NUP210: variants seen among roughly 807,000 people sequenced by gnomAD.
The protein encoded by NUP210 is nuclear pore membrane glycoprotein 210.
A neutral mutation model predicts 196.0 loss-of-function variants in NUP210; 151 were observed. The ratio of observed to expected loss-of-function variants is 0.77; its 90% CI spans 0.67 to 0.88. The LOEUF (loss-of-function observed/expected upper bound fraction) is 0.88, where lower values mean the gene tolerates loss of function less well. Ranked by LOEUF, NUP210 falls within the 40% of genes least tolerant of loss-of-function variation. The pLI is 0.00. For synonymous variants in NUP210, 1,070 were observed against 1,052.7 expected, an observed-to-expected ratio of 1.02 and a Z score of -0.32; for missense variants, 2,314 against 2,493.7, an observed-to-expected ratio of 0.93 and a Z score of 1.53.
intron 3 of NUP210, among the ~76,000 whole-genome samples, chr3:13,393,015 C>A (rs1033836948): frequency 6.6e-6 from 1 of 152,188 alleles, no homozygotes; most frequent in African/African-American, 2.4e-5. Flanking sequence ...TAACCAGAAA[C>A]GCAAGACTGC....
chr3:13,357,787 C>T (rs1055038295), intron 16 of NUP210, among the ~76,000 whole-genome samples: 1 of 152,192 alleles, frequency 6.6e-6, no homozygotes, highest in Non-Finnish European at 1.5e-5. Flanking sequence ...CCCCACGTCA[C>T]CCACATCATG....
intron 20 of NUP210, chr3:13,344,819 G>A (rs540098049): frequency 3.5e-5 from 21 of 600,004 alleles, no homozygotes; most frequent in Middle Eastern, 1.8e-3. Context: ...TCCGGGCCTC[G>A]CAGCCCACCT....
chr3:13,321,937 C>T (rs781754845), intron 35 of NUP210, 102 bp from the exon 36 acceptor site: 67 of 1,490,106 alleles, frequency 4.5e-5, no homozygotes, highest in Non-Finnish European at 5.9e-5. Context: ...ATGCATCCTC[C>T]AAAGCCCAGG....
chr3:13,397,302 G>T (rs774683005), intron 3 of NUP210, 55 bp downstream of exon 3: 79 of 1,572,296 alleles, frequency 5.0e-5, no homozygotes, highest in Non-Finnish European at 6.3e-5. Flanking sequence ...GAGTCATGGT[G>T]GGGGGATGAT....
chr3:13,376,987 C>T (rs965575789), intron 9 of NUP210, among the ~76,000 whole-genome samples: 21 of 152,198 alleles, frequency 1.4e-4, no homozygotes, highest in African/African-American at 4.6e-4. Flanking sequence ...GTCTGACACC[C>T]CCTTCCAGAA....
intron 14 of NUP210, among the ~76,000 whole-genome samples, chr3:13,364,729 G>A (rs186255167): frequency 1.3e-5 from 2 of 152,294 alleles, no homozygotes; most frequent in African/African-American, 4.8e-5. Flanking sequence ...TCAGGAGGCC[G>A]AGGCAGGAGA....
intron 15 of NUP210, among the ~76,000 whole-genome samples, chr3:13,359,775 A>G (rs558591435): frequency 6.6e-6 from 1 of 152,050 alleles, no homozygotes; most frequent in Non-Finnish European, 1.5e-5. Context: ...CAGGTCACAC[A>G]TGTGTTTTGT....
Position 13,328,892 on chromosome 3 carries a change from T to C in NUP210, c.4165A>G (p.Asn1389Asp). The stretch of plus-strand genomic sequence containing the variant: ...GGCACGGCCACCAGGGCCTCCTTGT[T>C]CTGGGTGTGCAGGACAGGGCTCATG... ...VSMSPVLHTQ[N>D]KEALVAVPLG... The change falls in exon 31 of 40, where the codon AAC (asparagine) becomes GAC (aspartate). Residue 1389 changes from asparagine (N) to aspartate (D), a missense_variant. Coordinates refer to ENST00000254508, the MANE Select transcript of NUP210 (RefSeq NM_024923.4). 1 of 1,614,066 alleles carries C rather than the reference T, an allele frequency of 6.2e-7. No homozygotes were observed. Among genetic ancestry groups the C allele is most frequent in the Non-Finnish European group, 8.5e-7 (1 of 1,179,976 alleles).
intron 4 of NUP210, among the ~76,000 whole-genome samples, 173 bp downstream of exon 4, chr3:13,391,038 G>A (rs543402935): frequency 1.3e-5 from 2 of 152,202 alleles, no homozygotes; most frequent in Non-Finnish European, 2.9e-5. Context: ...CCCGCACAAT[G>A]GTGTGAGTGG....
intron 6 of NUP210, among the ~76,000 whole-genome samples, chr3:13,383,498 G>C (rs1349329671): frequency 7.1e-6 from 1 of 140,858 alleles, no homozygotes; most frequent in Non-Finnish European, 1.5e-5. Flanking sequence ...TGATACCTGA[G>C]CTAATTTAGA....
chr3:13,418,683 G>A (rs1269902350), intron 1 of NUP210, among the ~76,000 whole-genome samples: 1 of 152,082 alleles, frequency 6.6e-6, no homozygotes, highest in East Asian at 1.9e-4. Context: ...AGCTACTCGG[G>A]AGGCTGAGGC....
At position 13,386,364 on chromosome 3, in the gene NUP210, A is replaced by G. The variant is rs141026514; in HGVS notation, c.728T>C (p.Ile243Thr). Residue 243 changes from isoleucine to threonine, a missense_variant, in exon 6 of 40, where the codon ATC (isoleucine) becomes ACC (threonine). Transcript: ENST00000254508. ...GACGTCATAGGCCGGGTTCAGAAGG[A>G]TGTTTTCCAAAATCAGCAGCCTGAC... is the stretch of plus-strand genomic sequence containing the variant. ...AEVRLLILEN[I>T]LLNPAYDVYL... 1 of 1,614,060 alleles carries G rather than the reference A, an allele frequency of 6.2e-7. No individual in the cohort carries two copies. The highest frequency in any genetic ancestry group is 8.5e-7 in the Non-Finnish European group (1 of 1,180,040).
chr3:13,398,131 T>C (rs1699724619), intron 2 of NUP210, among the ~76,000 whole-genome samples: 1 of 152,200 alleles, frequency 6.6e-6, no homozygotes, highest in South Asian at 2.1e-4. Context: ...GTCCCATGTA[T>C]CAAAAGCCTT....
intron 8 of NUP210, among the ~76,000 whole-genome samples, chr3:13,377,780 G>GCCC (rs1414620897): frequency 1.4e-5 from 2 of 147,534 alleles, no homozygotes; most frequent in African/African-American, 5.1e-5. Context: ...TTACCTGGAG[G>GCCC]CCCCACTCCA....
intron 14 of NUP210, among the ~76,000 whole-genome samples, chr3:13,365,296 G>T (rs541182624): frequency 6.6e-6 from 1 of 152,062 alleles, no homozygotes; most frequent in Non-Finnish European, 1.5e-5. Context: ...TCCTCATCAC[G>T]ACCCCATGAG....
chr3:13,384,692 G>A (rs1473535918), intron 6 of NUP210, among the ~76,000 whole-genome samples: 1 of 152,230 alleles, frequency 6.6e-6, no homozygotes, highest in Non-Finnish European at 1.5e-5. Context: ...CTTCCTTCAG[G>A]CCGCAGTGCC....
intron 13 of NUP210, 21 bp from the exon 14 acceptor site, chr3:13,366,112 G>C (rs917212434): frequency 6.2e-7 from 1 of 1,606,088 alleles, no homozygotes; most frequent in Admixed American, 1.7e-5. Context: ...GAGAGAACTA[G>C]ATGGTCACCC....
At chr3:13,358,444 C>A (rs1379203078) in intron 15 of NUP210, 49 bp from the exon 16 acceptor site, 2 of 1,543,798 alleles carry the variant, frequency 1.3e-6, no homozygotes, top group Admixed American at 1.8e-5. Context: ...AGTTCTCACT[C>A]CTCTCTGAGC....
chr3:13,375,710 G>A, intron 10 of NUP210, 69 bp from the exon 11 acceptor site: 1 of 1,526,076 alleles, frequency 6.6e-7, no homozygotes, highest in Non-Finnish European at 8.9e-7. Context: ...CCAGTCACCG[G>A]ACCCCCACCC....
Sources: gnomAD v4.1 joint callset for allele counts (sites outside exome capture counted in the v4.1 genomes callset) on GRCh38, gnomAD v4.1.1 for gene constraint, MANE v1.5 for transcripts, NCBI Gene and HGNC (gene_info 2026-07-23, HGNC 2026-07-21) for gene names.